Variants in RALYL observed in about 807,000 individuals in gnomAD.
RALYL encodes the protein RALY RNA binding protein like.
Under a neutral mutation model 35.1 loss-of-function variants are expected in RALYL, and 29 were observed. The observed-to-expected ratio is 0.83, with a 90% CI of 0.61 to 1.13. The LOEUF is 1.13. Ranked by LOEUF, RALYL falls within the 50% of genes most tolerant of loss-of-function variation. RALYL has a pLI of 0.00. For synonymous variants in RALYL, 120 were observed against 127.6 expected (o/e 0.94, Z 0.40); for missense variants, 359 against 360.4 (o/e 1.00, Z 0.03).
At chr8:84,689,203 T>C (rs887598364) in intron 2 of RALYL, among the ~76,000 whole-genome samples, 1 of 152,154 alleles carries the variant, frequency 6.6e-6, no homozygotes, top group Non-Finnish European at 1.5e-5. Flanking sequence ...GCATTAGGTA[T>C]ATCTGCCAAT....
chr8:84,468,086 A>G (rs944032793), intron 1 of RALYL, among the ~76,000 whole-genome samples: 1 of 150,656 alleles, frequency 6.6e-6, no homozygotes, highest in Non-Finnish European at 1.5e-5. Flanking sequence ...ATAGGTCTTG[A>G]CTCTTTATCC....
chr8:84,771,620 G>T (rs1462782090), intron 2 of RALYL, among the ~76,000 whole-genome samples: 1 of 151,932 alleles, frequency 6.6e-6, no homozygotes, highest in Non-Finnish European at 1.5e-5. Context: ...GTTTTAACTT[G>T]CATTTCCCAC....
chr8:84,195,211 G>C (rs932214188), intron 1 of RALYL, among the ~76,000 whole-genome samples: 1 of 151,982 alleles, frequency 6.6e-6, no homozygotes, highest in Non-Finnish European at 1.5e-5. Context: ...AATATTTGTC[G>C]GGGATCTATT....
At chr8:84,198,179 TA>T (rs1224452589) in intron 1 of RALYL, among the ~76,000 whole-genome samples, 3 of 152,168 alleles carry the variant, frequency 2.0e-5, no homozygotes, top group African/African-American at 7.2e-5. Context: ...AAGGAAAACA[TA>T]ATTTCTCCAG....
chr8:84,421,896 G>A (rs2045667440), intron 1 of RALYL, among the ~76,000 whole-genome samples: 1 of 149,698 alleles, frequency 6.7e-6, no homozygotes, highest in African/African-American at 2.4e-5. Context: ...CAGGGATGAA[G>A]CCCACTTGAT....
At chr8:84,719,334 T>C (rs1375315793) in intron 2 of RALYL, among the ~76,000 whole-genome samples, 1 of 152,196 alleles carries the variant, frequency 6.6e-6, no homozygotes, top group Non-Finnish European at 1.5e-5. Flanking sequence ...CCAAATATGT[T>C]ACTATGATAT....
At chr8:84,344,528 G>A (rs1383961737) in intron 1 of RALYL, among the ~76,000 whole-genome samples, 1 of 151,960 alleles carries the variant, frequency 6.6e-6, no homozygotes. Flanking sequence ...CTGGGGGTGT[G>A]TTTGTTTCGA....
intron 1 of RALYL, among the ~76,000 whole-genome samples, chr8:84,331,207 C>T (rs1198945623): frequency 6.6e-6 from 1 of 152,016 alleles, no homozygotes; most frequent in African/African-American, 2.4e-5. Context: ...TCTATCAGGG[C>T]CTATTAGAGT....
chr8:84,702,539 T>TCTCACACACACACACACACACA (rs143400097), intron 2 of RALYL, among the ~76,000 whole-genome samples: 1 of 136,534 alleles, frequency 7.3e-6, no homozygotes, highest in African/African-American at 3.1e-5. Context: ...TCTCTCTCTC[T>TCTCACACACACACACACACACA]CACACACACA....
intron 1 of RALYL, among the ~76,000 whole-genome samples, chr8:84,484,868 A>G (rs959349126): frequency 1.4e-4 from 22 of 152,172 alleles, no homozygotes; most frequent in African/African-American, 5.3e-4. Context: ...TGTGAATTGA[A>G]TAGGCCAATC....
intron 1 of RALYL, among the ~76,000 whole-genome samples, chr8:84,324,593 GT>G (rs200673760): frequency 1.8e-4 from 27 of 149,770 alleles, no homozygotes; most frequent in Admixed American, 4.0e-4. Flanking sequence ...AAATAGTTGT[GT>G]TTTTTTTTGT....
chr8:84,593,141 G>A (rs1313031101), intron 2 of RALYL, among the ~76,000 whole-genome samples: 1 of 151,942 alleles, frequency 6.6e-6, no homozygotes, highest in Non-Finnish European at 1.5e-5. Context: ...TGTAAGGTAG[G>A]GGTCCAAATT....
Position 84,834,374 on chromosome 8 carries a change from C to T in RALYL, c.366-15606C>T, listed in dbSNP as rs73299281. Among the ~76,000 whole-genome samples the T allele has an allele frequency of 5.2e-3, 797 of 152,252 alleles. 4 individuals carry two copies. The highest frequency in any genetic ancestry group is 0.018 in the African/African-American group (759 of 41,540). ...CCCCAGGGTTGAGATGCAAATCTCACTGGAGGAGATGTGTTTGCAGCTGAC... is the reference window on the plus strand; with the variant it reads ...CCCCAGGGTTGAGATGCAAATCTCATTGGAGGAGATGTGTTTGCAGCTGAC... On this transcript the variant is annotated intron_variant, in intron 4 of 8. Coordinates refer to ENST00000521268, the MANE Select transcript of RALYL (RefSeq NM_173848.7).
intron 1 of RALYL, among the ~76,000 whole-genome samples, chr8:84,463,339 C>T (rs2051048542): frequency 6.6e-6 from 1 of 151,958 alleles, no homozygotes; most frequent in Non-Finnish European, 1.5e-5. Flanking sequence ...GGTATTTTTG[C>T]TGCCAAAATA....
chr8:84,516,550 T>C (rs2058081466), intron 1 of RALYL, among the ~76,000 whole-genome samples: 1 of 152,108 alleles, frequency 6.6e-6, no homozygotes, highest in African/African-American at 2.4e-5. Flanking sequence ...TGAAACTCTT[T>C]GGTGACAACT....
intron 1 of RALYL, among the ~76,000 whole-genome samples, chr8:84,426,735 G>T (rs985597246): frequency 3.3e-5 from 5 of 152,052 alleles, no homozygotes; most frequent in African/African-American, 1.2e-4. Flanking sequence ...TCAGAGAAAT[G>T]CAAATCAAAA....
At chr8:84,187,150 CCT>C (rs1274449181) in intron 1 of RALYL, among the ~76,000 whole-genome samples, 8 of 152,046 alleles carry the variant, frequency 5.3e-5, no homozygotes, top group Non-Finnish European at 1.0e-4. Context: ...CACTATCTGA[CCT>C]CAAACATTGT....
intron 3 of RALYL, among the ~76,000 whole-genome samples, chr8:84,793,225 G>A (rs561451225): frequency 3.3e-5 from 5 of 152,114 alleles, no homozygotes; most frequent in African/African-American, 1.2e-4. Context: ...AGAAAAGATA[G>A]AAAAGAGAAG....
chr8:84,904,615 T>C (rs564088339), intron 8 of RALYL, among the ~76,000 whole-genome samples: 2 of 151,574 alleles, frequency 1.3e-5, no homozygotes, highest in South Asian at 4.1e-4. Flanking sequence ...GAGAAAGAAA[T>C]AGTTCACGGG....
Sources: allele counts gnomAD v4.1 joint callset (sites outside exome capture counted in the v4.1 genomes callset), GRCh38; gene constraint gnomAD v4.1.1; transcripts MANE v1.5; gene names NCBI Gene and HGNC (gene_info 2026-07-23, HGNC 2026-07-21).